CHST8: variants seen among roughly 807,000 people sequenced by gnomAD.
The protein encoded by CHST8 is GALNAC-4-ST1.
CHST8 carries 10 observed loss-of-function variants against 15.0 expected under a neutral mutation model. That is an observed-to-expected ratio of 0.67 (90% CI 0.41 to 1.13). The LOEUF (loss-of-function observed/expected upper bound fraction) is 1.13. Ranked by LOEUF, CHST8 falls within the 50% of genes most tolerant of loss-of-function variation. CHST8 has a pLI of 0.00. For missense variants in CHST8, 634 were observed against 608.2 expected (o/e 1.04, Z -0.45); for synonymous variants, 259 against 256.6 (o/e 1.01, Z -0.09).
At chr19:33,639,676 G>C (rs964068476) in intron 1 of CHST8, among the ~76,000 whole-genome samples, 1 of 152,008 alleles carries the variant, frequency 6.6e-6, no homozygotes, top group African/African-American at 2.4e-5. Context: ...TCTTGGGACC[G>C]GGAGAGGAAG....
intron 3 of CHST8, among the ~76,000 whole-genome samples, chr19:33,728,591 T>TA (rs1477036255): frequency 6.6e-6 from 1 of 152,086 alleles, no homozygotes; most frequent in Admixed American, 6.5e-5. Flanking sequence ...TGGCCTCTGA[T>TA]ATTTGGGTGT....
intron 3 of CHST8, among the ~76,000 whole-genome samples, chr19:33,702,104 AG>A (rs1973350262): frequency 6.6e-6 from 1 of 152,078 alleles, no homozygotes. Context: ...CCTCCCGAGT[AG>A]GTGGGATTAC....
At chr19:33,688,084 G>A (rs1973018516) in intron 2 of CHST8, among the ~76,000 whole-genome samples, 2 of 152,212 alleles carry the variant, frequency 1.3e-5, no homozygotes, top group Admixed American at 1.3e-4. Context: ...GGAAAGTAAG[G>A]GGACAGAGTG....
chr19:33,701,541 A>G (rs1310972049), intron 3 of CHST8, among the ~76,000 whole-genome samples: 2 of 152,250 alleles, frequency 1.3e-5, no homozygotes, highest in Non-Finnish European at 2.9e-5. Flanking sequence ...AGAATAGAAA[A>G]TTGGGACAAT....
At chr19:33,721,589 T>TATGGATGGATGG (rs113422475) in intron 3 of CHST8, among the ~76,000 whole-genome samples, 33 of 125,754 alleles carry the variant, frequency 2.6e-4, no homozygotes, top group African/African-American at 5.7e-4. Context: ...TGAGTGGGCA[T>TATGGATGGATGG]ATGGATGGAT....
intron 3 of CHST8, among the ~76,000 whole-genome samples, chr19:33,769,862 C>T (rs1033009085): frequency 1.3e-5 from 2 of 152,116 alleles, no homozygotes; most frequent in Non-Finnish European, 2.9e-5. Flanking sequence ...ACACTCTGCC[C>T]TTTGCCCAGG....
chr19:33,759,620 C>A (rs191638804), intron 3 of CHST8, among the ~76,000 whole-genome samples: 99 of 152,340 alleles, frequency 6.5e-4, no homozygotes, highest in African/African-American at 2.4e-3. Flanking sequence ...TGACCAGCCA[C>A]CCCTGATCCC....
intron 2 of CHST8, among the ~76,000 whole-genome samples, chr19:33,672,638 G>A (rs757942945): frequency 2.1e-4 from 32 of 152,294 alleles, no homozygotes; most frequent in Non-Finnish European, 4.1e-4. Flanking sequence ...CTGACTGGCC[G>A]GGCAGTCGGG....
At chr19:33,666,517 G>A (rs1972663483) in intron 1 of CHST8, among the ~76,000 whole-genome samples, 1 of 152,192 alleles carries the variant, frequency 6.6e-6, no homozygotes. Context: ...ACCGGAAGGT[G>A]GGAGGGTCTG....
At chr19:33,719,390 C>T (rs1973735410) in intron 3 of CHST8, among the ~76,000 whole-genome samples, 1 of 152,038 alleles carries the variant, frequency 6.6e-6, no homozygotes, top group Admixed American at 6.5e-5. Flanking sequence ...GGGACTGGGT[C>T]CTTGGACACT....
chr19:33,757,385 AAGAAGAAAGAAAGAAAGAAAGAAAG>A (rs1974568681), intron 3 of CHST8, among the ~76,000 whole-genome samples: 1 of 102,540 alleles, frequency 9.8e-6, no homozygotes, highest in African/African-American at 3.6e-5. Context: ...GTCTCAAAAA[AAGAAGAAAGAAAGAAAGAAAGAAAG>A]AAAGAAAGAA....
intron 3 of CHST8, among the ~76,000 whole-genome samples, chr19:33,738,055 C>A (rs1413425862): frequency 6.6e-6 from 1 of 152,198 alleles, no homozygotes; most frequent in African/African-American, 2.4e-5. Context: ...TCCAATTACC[C>A]TTTTCCCATT....
chr19:33,698,929 G>A (rs181249838), intron 3 of CHST8, among the ~76,000 whole-genome samples: 2 of 152,332 alleles, frequency 1.3e-5, no homozygotes, highest in East Asian at 3.9e-4. Flanking sequence ...CTGGCACCAT[G>A]CAGGGTGGGG....
At chr19:33,687,142 C>T (rs916781772) in intron 2 of CHST8, among the ~76,000 whole-genome samples, 5 of 152,268 alleles carry the variant, frequency 3.3e-5, no homozygotes, top group African/African-American at 9.6e-5. Flanking sequence ...GGGGCTGGCC[C>T]CGGTGGGGCT....
At chr19:33,714,509 G>A (rs1973624878) in intron 3 of CHST8, among the ~76,000 whole-genome samples, 1 of 152,026 alleles carries the variant, frequency 6.6e-6, no homozygotes, top group South Asian at 2.1e-4. Flanking sequence ...GAGGATAAGA[G>A]GGGCACGGGG....
At chr19:33,754,423 C>A (rs1306812168) in intron 3 of CHST8, among the ~76,000 whole-genome samples, 2 of 152,076 alleles carry the variant, frequency 1.3e-5, no homozygotes, top group Non-Finnish European at 2.9e-5. Context: ...AAGAAGCACA[C>A]CAGGCAGGAT....
At chr19:33,734,969 G>A (rs1052348996) in intron 3 of CHST8, among the ~76,000 whole-genome samples, 8 of 152,304 alleles carry the variant, frequency 5.3e-5, no homozygotes, top group South Asian at 2.1e-4. Context: ...TCCATGCCAC[G>A]GCTTGGGCAA....
chr19:33,623,753 C>T (rs1354891973), intron 1 of CHST8, among the ~76,000 whole-genome samples: 1 of 152,184 alleles, frequency 6.6e-6, no homozygotes, highest in African/African-American at 2.4e-5. Context: ...TGCCCTGTCC[C>T]AAAGGCAAGG....
chr19:33,758,577 G>T (rs750041087), intron 3 of CHST8, among the ~76,000 whole-genome samples: 3 of 152,220 alleles, frequency 2.0e-5, no homozygotes, highest in Non-Finnish European at 4.4e-5. Context: ...CTCGGTAATT[G>T]ACGTGGCAGC....
Sources: gnomAD v4.1 joint callset for allele counts (sites outside exome capture counted in the v4.1 genomes callset) on GRCh38, gnomAD v4.1.1 for gene constraint, MANE v1.5 for transcripts, NCBI Gene and HGNC (gene_info 2026-07-23, HGNC 2026-07-21) for gene names.